Variants in ALDH1L2 observed in about 807,000 individuals in gnomAD.
ALDH1L2 encodes aldehyde dehydrogenase 1 family member L2, also known as mitochondrial 10-formyltetrahydrofolate dehydrogenase.
A neutral mutation model predicts 111.0 loss-of-function variants in ALDH1L2; 91 were observed. That is an observed-to-expected ratio of 0.82 (90% CI 0.69 to 0.98). The LOEUF (loss-of-function observed/expected upper bound fraction) is 0.98. Ranked by LOEUF, ALDH1L2 falls within the 50% of genes least tolerant of loss-of-function variation. The probability of loss-of-function intolerance (pLI) is 0.00; values close to 1 mark genes in which losing one functional copy is unlikely to be tolerated. For missense variants in ALDH1L2, 995 were observed against 1,126.8 expected, an observed-to-expected ratio of 0.88 and a Z score of 1.67; for synonymous variants, 374 against 392.6, an observed-to-expected ratio of 0.95 and a Z score of 0.56.
At chr12:105,064,586 C>G (rs1466012452) in intron 6 of ALDH1L2, among the ~76,000 whole-genome samples, 2 of 152,138 alleles carry the variant, frequency 1.3e-5, no homozygotes, top group African/African-American at 4.8e-5. Flanking sequence ...AGTTCACAGT[C>G]TAGTGTTGGG....
rs773457673 is a variant in ALDH1L2 at position 105,023,041 on chromosome 12, A to G, written c.*1383T>C. On this transcript the variant is annotated 3_prime_UTR_variant, in exon 23 of 23. Transcript: ENST00000258494. The stretch of plus-strand genomic sequence containing the variant: ...ATGGTGAAAATTTACTCACCTGACT[A>G]CTTCTGTCTGCCAATGGGAAATGGG... The G allele has an allele frequency of 3.9e-5, 6 of 152,160 alleles. No homozygotes were observed. The highest frequency in any genetic ancestry group is 6.5e-5 in the Admixed American group (1 of 15,268). 9.4% of individuals were successfully genotyped at this position (152,160 alleles called of 1,614,324 possible).
Position 105,039,708 on chromosome 12 carries a change from A to G in ALDH1L2, c.2045+5T>C. 6.2e-7 allele frequency: 1 copy of G among 1,612,876 alleles called. No individual in the cohort carries two copies. Among genetic ancestry groups the G allele is most frequent in the East Asian group, 2.2e-5 (1 of 44,872 alleles). On this transcript the variant is annotated splice_donor_5th_base_variant and intron_variant, in intron 17 of 22. Coordinates refer to ENST00000258494, the MANE Select transcript of ALDH1L2 (RefSeq NM_001034173.4). ...TGCAGTGAATCAACATTTTAAAACCAATACCTCTTCATGATCTGTTTGCCA... is the reference window on the plus strand; with the variant it reads ...TGCAGTGAATCAACATTTTAAAACCGATACCTCTTCATGATCTGTTTGCCA...
chr12:105,052,916 T>C lies in ALDH1L2; in HGVS notation c.1303A>G (p.Asn435Asp). ...LVVDYISKEVNEIMVKMPYQC... is the reference protein window; with the variant it reads ...LVVDYISKEVDEIMVKMPYQC... Reference sequence around the variant, plus strand: ...TATGGCATTTTTACCATGATTTCATTGACCTCCTTTGAAATCTGAGAGAAG... The same window carrying C: ...TATGGCATTTTTACCATGATTTCATCGACCTCCTTTGAAATCTGAGAGAAG... The change falls in exon 11 of 23, where the codon AAT (asparagine) becomes GAT (aspartate). Residue 435 changes from asparagine to aspartate, a missense_variant. Transcript: ENST00000258494. 1 of 1,613,706 alleles carries C rather than the reference T, an allele frequency of 6.2e-7. No homozygotes were observed. The highest frequency in any genetic ancestry group is 1.3e-5 in the African/African-American group (1 of 75,056).
chr12:105,063,967 C>CTTTT (rs201497480), intron 6 of ALDH1L2, among the ~76,000 whole-genome samples: 1 of 135,508 alleles, frequency 7.4e-6, no homozygotes, highest in Non-Finnish European at 1.6e-5. Flanking sequence ...TGTATTAATT[C>CTTTT]TTTTTTTTTT....
chr12:105,041,274 C>T (rs1875516552), intron 15 of ALDH1L2, among the ~76,000 whole-genome samples: 1 of 152,188 alleles, frequency 6.6e-6, no homozygotes, highest in Admixed American at 6.5e-5. Flanking sequence ...TATTTCATTA[C>T]ACTGACATTT....
intron 21 of ALDH1L2, among the ~76,000 whole-genome samples, chr12:105,027,041 T>A (rs1193687131): frequency 1.3e-5 from 2 of 152,204 alleles, no homozygotes; most frequent in Admixed American, 6.6e-5. Flanking sequence ...AGCTAATTTT[T>A]AAAAAAATTT....
At chr12:105,053,252 G>T (rs1368464311) in intron 10 of ALDH1L2, among the ~76,000 whole-genome samples, 1 of 152,246 alleles carries the variant, frequency 6.6e-6, no homozygotes, top group African/African-American at 2.4e-5. Flanking sequence ...GGCAGCATTG[G>T]TGGAGCGCAG....
At chr12:105,061,480 ATTTGGAGGTTGAT>A in intron 8 of ALDH1L2, 134 bp downstream of exon 8, 1 of 1,215,108 alleles carries the variant, frequency 8.2e-7, no homozygotes, top group South Asian at 1.5e-5. Context: ...AAGCATATGA[ATTTGGAGGTTGAT>A]TTCCTCTTGC....
intron 15 of ALDH1L2, among the ~76,000 whole-genome samples, chr12:105,042,146 A>G (rs1372092815): frequency 1.3e-5 from 2 of 152,052 alleles, no homozygotes; most frequent in South Asian, 2.1e-4. Context: ...CCATTTCTTT[A>G]TTTAGCTATC....
chr12:105,058,663 A>G (rs911488741), intron 9 of ALDH1L2, among the ~76,000 whole-genome samples: 1 of 152,244 alleles, frequency 6.6e-6, no homozygotes, highest in African/African-American at 2.4e-5. Context: ...TGTATTACGT[A>G]GTTAACATAG....
intron 18 of ALDH1L2, among the ~76,000 whole-genome samples, chr12:105,035,609 C>T (rs1279707308): frequency 2.0e-5 from 3 of 152,072 alleles, no homozygotes; most frequent in African/African-American, 7.2e-5. Context: ...TAAGCCACCA[C>T]GTGCAGCCAT....
At chr12:105,026,770 T>C in intron 21 of ALDH1L2, 26 bp from the exon 22 acceptor site, 2 of 1,610,080 alleles carry the variant, frequency 1.2e-6, no homozygotes, top group Non-Finnish European at 1.7e-6. Context: ...GACATAAAAC[T>C]TCATTAAATG....
intron 9 of ALDH1L2, 115 bp from the exon 10 acceptor site, chr12:105,058,335 A>G (rs1876769491): frequency 1.9e-6 from 2 of 1,039,916 alleles, no homozygotes. Flanking sequence ...ATGCCTATTT[A>G]TATCCTATGA....
intron 20 of ALDH1L2, 31 bp from the exon 21 acceptor site, chr12:105,030,460 A>G (rs373769271): frequency 1.5e-5 from 23 of 1,573,400 alleles, no homozygotes; most frequent in Non-Finnish European, 1.8e-5. Context: ...AAAAATGTCA[A>G]CTGTAGGTTA....
Position 105,021,196 on chromosome 12 carries a change from G to A in ALDH1L2, c.*3228C>T, listed in dbSNP as rs1874142914. On this transcript the variant is annotated 3_prime_UTR_variant, in exon 23 of 23. Coordinates refer to ENST00000258494, the MANE Select transcript of ALDH1L2 (RefSeq NM_001034173.4). ...CTACGTGAAATGGGGGCCATTGAAA[G>A]GTTTTAAACAGACGAGTGAAGTGAC... is the stretch of plus-strand genomic sequence containing the variant. The A allele has an allele frequency of 6.6e-6, 1 of 152,204 alleles. No individual in the cohort carries two copies. The highest frequency in any genetic ancestry group is 2.4e-5 in the African/African-American group (1 of 41,446). The allele number at this position is 152,204 out of a possible 1,614,324, so 9.4% of individuals were successfully genotyped here. A position where few individuals can be genotyped will look rare whatever the true frequency, so the allele number is the denominator to read the frequency against.
intron 10 of ALDH1L2, among the ~76,000 whole-genome samples, chr12:105,054,966 C>A (rs10861329): frequency 0.39 from 59,397 of 152,006 alleles, 12,877 homozygotes; most frequent in Middle Eastern, 0.61. Context: ...CTGCCCACAG[C>A]CACTAAAAAA....
intron 1 of ALDH1L2, among the ~76,000 whole-genome samples, chr12:105,075,679 C>T (rs1243742736): frequency 6.6e-6 from 1 of 152,166 alleles, no homozygotes; most frequent in Non-Finnish European, 1.5e-5. Flanking sequence ...GAAGCTGAAG[C>T]TATAAAGGTG....
chr12:105,045,339 C>T (rs2136067023), intron 15 of ALDH1L2, among the ~76,000 whole-genome samples: 1 of 152,268 alleles, frequency 6.6e-6, no homozygotes, highest in East Asian at 1.9e-4. Context: ...CCCGCCTTGG[C>T]CTCCCAAAGT....
Position 105,021,371 on chromosome 12 carries a change from G to A in ALDH1L2, c.*3053C>T, listed in dbSNP as rs1021762113. 3 of 152,518 alleles carry A rather than the reference G, an allele frequency of 2.0e-5. No individual in the cohort carries two copies. The highest frequency in any genetic ancestry group is 7.2e-5 in the African/African-American group (3 of 41,430). 9.4% of individuals were successfully genotyped at this position (152,518 alleles called of 1,614,324 possible). On this transcript the variant is annotated 3_prime_UTR_variant, in exon 23 of 23. Transcript: ENST00000258494. ...CCAGCACTTTGGGAGGCGGAGGCAG[G>A]TGGATCACTTGAGGTCAGGAGTTCA...
Sources: gnomAD v4.1 joint callset for allele counts (sites outside exome capture counted in the v4.1 genomes callset) on GRCh38, gnomAD v4.1.1 for gene constraint, MANE v1.5 for transcripts, NCBI Gene and HGNC (gene_info 2026-07-23, HGNC 2026-07-21) for gene names.